Variants in CDK12 observed in about 807,000 individuals in gnomAD.
CDK12 encodes the protein cyclin dependent kinase 12.
A neutral mutation model predicts 133.8 loss-of-function variants in CDK12; 17 were observed. The ratio of observed to expected loss-of-function variants is 0.13; its 90% CI spans 0.09 to 0.19. CDK12 has a LOEUF of 0.19. Ranked by LOEUF, CDK12 falls within the 10% of genes least tolerant of loss-of-function variation. The pLI is 1.00. For synonymous variants in CDK12, 694 were observed against 683.6 expected (o/e 1.02, Z -0.24); for missense variants, 1,508 against 1,818.7 (o/e 0.83, Z 3.11).
intron 3 of CDK12, chr17:39,556,854 A>G (rs977476392): frequency 2.6e-5 from 4 of 152,042 alleles, no homozygotes; most frequent in East Asian, 1.9e-4. Context: ...CCTCCATTCT[A>G]TGTGTCCAGT....
At chr17:39,495,321 G>T (rs1337659166) in intron 5 of CDK12, among the ~76,000 whole-genome samples, 5 of 148,380 alleles carry the variant, frequency 3.4e-5, no homozygotes, top group African/African-American at 5.1e-5. Flanking sequence ...CAAGTCATCC[G>T]CCCGCCTCGG....
chr17:39,481,663 T>G lies in CDK12; in HGVS notation c.1932-8894T>G, dbSNP rs1208309990. Among the ~76,000 whole-genome samples the G allele has an allele frequency of 3.7e-3, 52 of 13,914 alleles. 12 individuals carry two copies. The highest frequency in any genetic ancestry group is 9.8e-3 in the East Asian group (5 of 512). The allele number at this position is 13,914 out of a possible 152,430, so 9.1% of individuals were successfully genotyped here. A position where few individuals can be genotyped will look rare whatever the true frequency, so the allele number is the denominator to read the frequency against. On this transcript the variant is annotated intron_variant, in intron 2 of 13. Coordinates refer to ENST00000447079, the MANE Select transcript of CDK12 (RefSeq NM_016507.4). ...CTCTCTCTCTCTCTCTCTCTCTCTC[T>G]CTCTCTCTCTCTCTCTCTCTCTCTC...
intron 5 of CDK12, among the ~76,000 whole-genome samples, chr17:39,495,558 G>C (rs1007172888): frequency 2.0e-5 from 3 of 151,782 alleles, no homozygotes; most frequent in Admixed American, 2.0e-4. Context: ...TTGGGAGGCC[G>C]AGGTGGGCAG....
intron 2 of CDK12, among the ~76,000 whole-genome samples, chr17:39,481,647 T>TCC (rs1567706123): frequency 1.1e-3 from 12 of 10,712 alleles, no homozygotes; most frequent in Non-Finnish European, 2.2e-3. Context: ...TCTCTCTCTC[T>TCC]CTCTCTCTCT....
In CDK12 at chr17:39,488,957, G is replaced by A. The variant is rs532047738; in HGVS notation, c.1932-1600G>A. 4.5e-4 allele frequency among the ~76,000 whole-genome samples: 68 copies of A among 152,070 alleles called. 1 individual carries two copies. The highest frequency in any genetic ancestry group is 1.6e-3 in the African/African-American group (68 of 41,482). ...CTAATTATTTTTGAGACAGAGTCTT[G>A]TCACCCAGGCTGGAGTGCAGTCGTG... On this transcript the variant is annotated intron_variant, in intron 2 of 13. Transcript: ENST00000447079.
intron 6 of CDK12, among the ~76,000 whole-genome samples, chr17:39,505,852 G>A (rs145349595): frequency 5.6e-4 from 86 of 152,274 alleles, no homozygotes; most frequent in African/African-American, 2.0e-3. Flanking sequence ...TTGAATTTTG[G>A]TATATGTGGG....
intron 6 of CDK12, among the ~76,000 whole-genome samples, chr17:39,505,187 C>T (rs1450153262): frequency 6.8e-6 from 1 of 146,094 alleles, no homozygotes; most frequent in African/African-American, 2.6e-5. Flanking sequence ...TGAGATCGCG[C>T]CACTGCACTC....
chr17:39,531,031 G>C lies in CDK12; in HGVS notation c.4188G>C (p.Gln1396His). The change falls in exon 14 of 14, where the codon CAG becomes CAC. Residue 1396 changes from glutamine (Q) to histidine (H), a missense_variant. Physicochemically the swap from Gln to His is conservative, Grantham distance 24 (BLOSUM62 0). Coordinates refer to ENST00000447079, the MANE Select transcript of CDK12 (RefSeq NM_016507.4). ...SSSYQGTGSV[Q>H]FPGDQDLRFA... ...GTTACCAGGGCACAGGGTCAGTGCA[G>C]TTTCCAGGGGACCAGGACCTCCGTT... The C allele has an allele frequency of 6.2e-7, 1 of 1,614,106 alleles. No homozygotes were observed. Among genetic ancestry groups the C allele is most frequent in the East Asian group, 2.2e-5 (1 of 44,884 alleles).
At chr17:39,466,806 CATT>C (rs1219355120) in intron 1 of CDK12, among the ~76,000 whole-genome samples, 8 of 151,574 alleles carry the variant, frequency 5.3e-5, no homozygotes, top group Admixed American at 5.3e-4. Flanking sequence ...TTATAGAGAG[CATT>C]ATATGTTTGT....
intron 2 of CDK12, among the ~76,000 whole-genome samples, chr17:39,488,795 G>A (rs556545680): frequency 6.6e-6 from 1 of 152,064 alleles, no homozygotes; most frequent in Non-Finnish European, 1.5e-5. Flanking sequence ...TTGTTGCCCA[G>A]GGTGGAGTGC....
In CDK12 at chr17:39,524,902, G is replaced by T. The variant is rs766272361; in HGVS notation, c.3307+17G>T. On this transcript the variant is annotated intron_variant, in intron 12 of 13. Coordinates refer to ENST00000447079, the MANE Select transcript of CDK12 (RefSeq NM_016507.4). Reference sequence around the variant, plus strand: ...ATGCAATAGGTCAGTGCCAGAATGGGGCCTTTGTGCTTTTGCTAAGCGTAT... The same window carrying T: ...ATGCAATAGGTCAGTGCCAGAATGGTGCCTTTGTGCTTTTGCTAAGCGTAT... 2 of 1,593,112 alleles carry T rather than the reference G, an allele frequency of 1.3e-6. No individual in the cohort carries two copies. The highest frequency in any genetic ancestry group is 1.3e-5 in the African/African-American group (1 of 74,240).
intron 12 of CDK12, 82 bp downstream of exon 12, chr17:39,524,967 T>A: frequency 8.2e-7 from 1 of 1,220,596 alleles, no homozygotes; most frequent in Non-Finnish European, 1.1e-6. Context: ...AGTTTGTGTG[T>A]GTGTCTGTTT....
At chr17:39,469,054 C>T (rs939707241) in intron 1 of CDK12, among the ~76,000 whole-genome samples, 105 of 151,522 alleles carry the variant, frequency 6.9e-4, no homozygotes, top group African/African-American at 2.3e-3. Context: ...GTCTTGATCT[C>T]CTGACCTCGT....
At chr17:39,488,210 G>C (rs2051291235) in intron 2 of CDK12, among the ~76,000 whole-genome samples, 1 of 151,616 alleles carries the variant, frequency 6.6e-6, no homozygotes, top group Non-Finnish European at 1.5e-5. Context: ...TTCCAGCCTG[G>C]GCAACAAAGT....
At position 39,461,742 on chromosome 17, in the gene CDK12, T is replaced by C. The variant is rs1026615517; in HGVS notation, c.-330T>C. 2 of 372,492 alleles carry C rather than the reference T, an allele frequency of 5.4e-6. No individual in the cohort carries two copies. The highest frequency in any genetic ancestry group is 4.3e-5 in the Admixed American group (1 of 23,410). 23.1% of individuals were successfully genotyped at this position (372,492 alleles called of 1,614,324 possible). ...GGCTCCACAGCCCCGGGCCGTCGGC[T>C]TCTCACTTCCTGGACCTCCCCGGCG... On this transcript the variant is annotated 5_prime_UTR_variant, in exon 1 of 14. Coordinates refer to ENST00000447079, the MANE Select transcript of CDK12 (RefSeq NM_016507.4).
At chr17:39,505,247 C>T (rs1349484668) in intron 6 of CDK12, among the ~76,000 whole-genome samples, 5 of 129,660 alleles carry the variant, frequency 3.9e-5, no homozygotes, top group Admixed American at 8.2e-5. Context: ...AAAAAAAAGG[C>T]CAGGCGCGGT....
In CDK12 at chr17:39,471,174, C is replaced by T; in HGVS notation, c.1342C>T (p.Pro448Ser). ...TTCAGGTTTGGAGTCTAAAAAGTTA[C>T]CCAGAAGTGTAAAATTGGAAAAATC... is the stretch of plus-strand genomic sequence containing the variant. ...KDSGLESKKL[P>S]RSVKLEKSAP... Residue 448 changes from proline to serine, a missense_variant, in exon 2 of 14, where the codon CCC becomes TCC. Pro to Ser is a moderately conservative substitution (Grantham distance 74). Around this residue, in one of 9 missense-constraint regions of CDK12, gnomAD observed 347 missense variants for 330.8 expected, o/e 1.05. Coordinates refer to ENST00000447079, the MANE Select transcript of CDK12 (RefSeq NM_016507.4). 6.3e-7 allele frequency: 1 copy of T among 1,580,456 alleles called. No homozygotes were observed. Among genetic ancestry groups the T allele is most frequent in the Non-Finnish European group, 8.6e-7 (1 of 1,167,736 alleles).
chr17:39,551,160 G>A (rs1471591967), intron 2 of CDK12: 1 of 152,134 alleles, frequency 6.6e-6, no homozygotes, highest in Non-Finnish European at 1.5e-5. Context: ...GGTGTTGGGG[G>A]AGGAAAGTCA....
intron 1 of CDK12, among the ~76,000 whole-genome samples, chr17:39,465,346 C>T (rs181805547): frequency 4.7e-5 from 7 of 148,176 alleles, no homozygotes; most frequent in Admixed American, 2.0e-4. Flanking sequence ...AAGTTGTAGA[C>T]ATCAGTATAC....
Sources: gnomAD v4.1 joint callset for allele counts (sites outside exome capture counted in the v4.1 genomes callset) on GRCh38, gnomAD v4.1.1 for gene constraint, gnomAD v4.1.1 regional missense constraint, MANE v1.5 for transcripts, NCBI Gene and HGNC (gene_info 2026-07-23, HGNC 2026-07-21) for gene names.